The following UVRAG variants were observed in gnomAD, a reference collection of about 807,000 sequenced individuals.
UVRAG encodes the protein UV radiation resistance associated.
In UVRAG, 19 loss-of-function variants were observed where a neutral mutation model predicts 78.0. The observed-to-expected ratio is 0.24, with a 90% confidence interval of 0.17 to 0.36. UVRAG has a LOEUF of 0.36. UVRAG is among the 10% of genes least tolerant of loss of function. The pLI, the probability that UVRAG is intolerant of heterozygous loss-of-function variation, is 1.00. For missense variants in UVRAG, 740 were observed against 853.8 expected, an observed-to-expected ratio of 0.87 and a Z score of 1.66; for synonymous variants, 323 against 324.6, an observed-to-expected ratio of 1.00 and a Z score of 0.05.
chr11:75,981,831 ATTCACTGAGT>A (rs1949401250), intron 7 of UVRAG, among the ~76,000 whole-genome samples: 3 of 151,638 alleles, frequency 2.0e-5, no homozygotes, highest in Admixed American at 2.0e-4. Context: ...CATTGAGCCC[ATTCACTGAGT>A]TTTTGTTATT....
At chr11:76,027,794 A>T (rs1950356476) in intron 12 of UVRAG, among the ~76,000 whole-genome samples, 1 of 152,164 alleles carries the variant, frequency 6.6e-6, no homozygotes, top group African/African-American at 2.4e-5. Flanking sequence ...TAAAAATGTA[A>T]TCCAGTGGGA....
chr11:75,820,404 G>T (rs1002001540), intron 1 of UVRAG, among the ~76,000 whole-genome samples: 5 of 151,130 alleles, frequency 3.3e-5, no homozygotes, highest in African/African-American at 1.2e-4. Context: ...ACCCAAGCTG[G>T]AGTGGAGTGG....
intron 14 of UVRAG, among the ~76,000 whole-genome samples, chr11:76,136,670 T>A (rs2134510032): frequency 6.6e-6 from 1 of 151,312 alleles, no homozygotes; most frequent in African/African-American, 2.5e-5. Flanking sequence ...GCTAATTTTT[T>A]AATTTTTTAT....
chr11:75,887,478 C>T (rs1370478420), intron 4 of UVRAG, among the ~76,000 whole-genome samples: 17 of 124,718 alleles, frequency 1.4e-4, no homozygotes, highest in African/African-American at 5.0e-4. Context: ...GACGGAGTCT[C>T]GCTCTGTCTC....
In UVRAG at chr11:75,913,350, G is replaced by A. The variant is rs367927971; in HGVS notation, c.593+1311G>A. ...GATGCTGAAAGAGGATAGTTTCCAG[G>A]AGTAGCGAACACTGTGATAATGTAG... On this transcript the variant is annotated intron_variant, in intron 6 of 14. Transcript: ENST00000356136. 6.8e-4 allele frequency among the ~76,000 whole-genome samples: 103 copies of A among 152,304 alleles called. 1 individual carries two copies. The highest frequency in any genetic ancestry group is 2.4e-3 in the African/African-American group (101 of 41,560).
intron 6 of UVRAG, among the ~76,000 whole-genome samples, chr11:75,936,177 A>G (rs1014671339): frequency 3.9e-5 from 6 of 152,204 alleles, no homozygotes; most frequent in African/African-American, 1.2e-4. Flanking sequence ...GATTTGTCCT[A>G]TTGCTAGTGA....
At chr11:76,021,016 C>T (rs138423830) in intron 12 of UVRAG, among the ~76,000 whole-genome samples, 82 of 152,212 alleles carry the variant, frequency 5.4e-4, no homozygotes, top group African/African-American at 1.9e-3. Flanking sequence ...GAGTTGAATG[C>T]AAAGTACCAC....
At chr11:76,065,925 T>C in intron 13 of UVRAG, 137 bp downstream of exon 13, 1 of 610,362 alleles carries the variant, frequency 1.6e-6, no homozygotes, top group South Asian at 3.3e-5. Context: ...TACACAGTTC[T>C]TTTTTTTGAT....
At chr11:75,842,838 C>T (rs1454566107) in intron 1 of UVRAG, among the ~76,000 whole-genome samples, 1 of 152,176 alleles carries the variant, frequency 6.6e-6, no homozygotes, top group Non-Finnish European at 1.5e-5. Context: ...ATAGATTAAG[C>T]AAATCAAACT....
intron 13 of UVRAG, among the ~76,000 whole-genome samples, chr11:76,109,688 G>A (rs373828505): frequency 4.6e-5 from 7 of 152,300 alleles, no homozygotes; most frequent in South Asian, 2.1e-4. Flanking sequence ...TGAATAGAAC[G>A]TGTGGAGACT....
intron 13 of UVRAG, among the ~76,000 whole-genome samples, 199 bp from the exon 14 acceptor site, chr11:76,115,725 A>C (rs1379615813): frequency 1.3e-5 from 2 of 152,218 alleles, no homozygotes; most frequent in African/African-American, 4.8e-5. Context: ...TCGTAATTTA[A>C]GTGGGTGTGC....
At chr11:76,080,655 GAA>G (rs1951478310) in intron 13 of UVRAG, among the ~76,000 whole-genome samples, 1 of 152,116 alleles carries the variant, frequency 6.6e-6, no homozygotes, top group African/African-American at 2.4e-5. Flanking sequence ...TCAAATTATA[GAA>G]TATTCCAGCA....
rs567534752 is a variant in UVRAG, at chr11:76,015,712, G to A, written c.1061-1103G>A. On this transcript the variant is annotated intron_variant, in intron 11 of 14. Coordinates refer to ENST00000356136, the MANE Select transcript of UVRAG (RefSeq NM_003369.4). ...ATTCACTGAGGAATGGATCTCTGTA[G>A]TGGCACTTCTACCATAAGAAGGTAG... Among the ~76,000 whole-genome samples the A allele has an allele frequency of 5.9e-5, 9 of 152,308 alleles. No homozygotes were observed. The South Asian group carries it at 1.0e-3, about 18-fold the overall frequency.
intron 12 of UVRAG, among the ~76,000 whole-genome samples, chr11:76,031,362 A>G (rs1565128113): frequency 6.6e-6 from 1 of 152,212 alleles, no homozygotes; most frequent in Admixed American, 6.5e-5. Context: ...CAGGAAATGA[A>G]CACCTTGTGA....
intron 7 of UVRAG, among the ~76,000 whole-genome samples, chr11:75,982,343 GC>G (rs1303147761): frequency 6.6e-6 from 1 of 152,140 alleles, no homozygotes; most frequent in Non-Finnish European, 1.5e-5. Flanking sequence ...TCCCCACTAG[GC>G]CTCCAATGAT....
intron 6 of UVRAG, among the ~76,000 whole-genome samples, chr11:75,935,940 A>G (rs558952573): frequency 4.6e-5 from 7 of 152,276 alleles, no homozygotes; most frequent in African/African-American, 1.7e-4. Flanking sequence ...TAAGACCACA[A>G]ATTACATTTA....
intron 12 of UVRAG, among the ~76,000 whole-genome samples, chr11:76,044,351 C>G (rs1363334868): frequency 1.2e-4 from 19 of 152,356 alleles, no homozygotes; most frequent in Admixed American, 1.1e-3. Context: ...GCCCAGCACA[C>G]AGAGCCTGAC....
chr11:75,990,608 T>C (rs1949586302), intron 8 of UVRAG, among the ~76,000 whole-genome samples: 1 of 152,182 alleles, frequency 6.6e-6, no homozygotes, highest in African/African-American at 2.4e-5. Flanking sequence ...CACAGAACTC[T>C]TTTAGTTACT....
chr11:76,096,078 TGTAGCCTGAGG>T (rs951893922), intron 13 of UVRAG, among the ~76,000 whole-genome samples: 2 of 152,152 alleles, frequency 1.3e-5, no homozygotes, highest in Admixed American at 1.3e-4. Context: ...TTGTGTAGCT[TGTAGCCTGAGG>T]GCAGGCCCCA....
Sources: gnomAD v4.1 joint callset for allele counts (sites outside exome capture counted in the v4.1 genomes callset) on GRCh38, gnomAD v4.1.1 for gene constraint, MANE v1.5 for transcripts, NCBI Gene and HGNC (gene_info 2026-07-23, HGNC 2026-07-21) for gene names.